Variants in ACSBG1 observed in about 807,000 individuals in gnomAD.
ACSBG1 encodes acyl-CoA synthetase bubblegum family member 1, also known as long-chain-fatty-acid--CoA ligase ACSBG1.
A neutral mutation model predicts 80.2 loss-of-function variants in ACSBG1; 39 were observed. That is an observed-to-expected ratio of 0.49 (90% CI 0.38 to 0.64). The LOEUF is 0.64. ACSBG1 is among the 30% of genes least tolerant of loss of function. The pLI is 0.00. For missense variants in ACSBG1, 828 were observed against 966.4 expected (o/e 0.86, Z 1.90); for synonymous variants, 392 against 379.5 (o/e 1.03, Z -0.38).
rs371236331 is a variant in ACSBG1, at chr15:78,180,809, A to G, written c.1199T>C (p.Met400Thr). The G allele has an allele frequency of 1.1e-5, 17 of 1,614,192 alleles. No individual in the cohort carries two copies. The highest frequency in any genetic ancestry group is 1.3e-5 in the Non-Finnish European group (15 of 1,180,032). ...GGTCACCGACATGGCCCACAGCAGC[A>G]TCTTTCGCCGGATGAAGCCAGACTG... ...AAQSGFIRRK[M>T]LLWAMSVTLE... Residue 400 changes from methionine (M) to threonine (T), a missense_variant, in exon 9 of 14, where the codon ATG (methionine) becomes ACG (threonine). By Grantham distance (81) the Met-to-Thr change is moderately conservative. Transcript: ENST00000258873.
At chr15:78,201,614 T>C (rs1321607006) in intron 2 of ACSBG1, among the ~76,000 whole-genome samples, 1 of 152,190 alleles carries the variant, frequency 6.6e-6, no homozygotes, top group Non-Finnish European at 1.5e-5. Flanking sequence ...GACAGATGCA[T>C]CTTCTAGCCT....
rs1016693334 is a variant in ACSBG1 at position 78,171,101 on chromosome 15, G to C, written c.*343C>G. The C allele has an allele frequency of 1.8e-4, 35 of 190,780 alleles. No individual in the cohort carries two copies. Among genetic ancestry groups the C allele is most frequent in the Non-Finnish European group, 2.2e-5 (2 of 91,564 alleles). 11.8% of individuals were successfully genotyped at this position (190,780 alleles called of 1,614,324 possible). On this transcript the variant is annotated 3_prime_UTR_variant, in exon 14 of 14. Coordinates refer to ENST00000258873, the MANE Select transcript of ACSBG1 (RefSeq NM_015162.5). ...TCTCCTACCCGCTCCACAGCCTACT[G>C]CTGGCTGTCCTGTATGTGAGCTAGC...
At chr15:78,194,844 GCTGGCAGGCCAGGGTAGA>G in intron 2 of ACSBG1, 118 bp from the exon 3 acceptor site, 1 of 1,043,426 alleles carries the variant, frequency 9.6e-7, no homozygotes, top group South Asian at 1.5e-5. Flanking sequence ...CGGCCTTGAG[GCTGGCAGGCCAGGGTAGA>G]CTGGGGTAGA....
At chr15:78,231,506 G>A (rs921606761) in intron 1 of ACSBG1, among the ~76,000 whole-genome samples, 3 of 151,976 alleles carry the variant, frequency 2.0e-5, no homozygotes, top group South Asian at 4.2e-4. Context: ...GGCTGGTCTC[G>A]AACTCCTGGG....
chr15:78,181,837 T>G, intron 8 of ACSBG1, 132 bp downstream of exon 8: 1 of 1,232,822 alleles, frequency 8.1e-7, no homozygotes. Context: ...CTGTGCCCAC[T>G]GCAGCTGACA....
intron 1 of ACSBG1, 62 bp downstream of exon 1, chr15:78,234,309 C>A: frequency 6.3e-7 from 1 of 1,578,792 alleles, no homozygotes. Flanking sequence ...GTTCACACAG[C>A]AGAGCAAAGT....
At chr15:78,191,456 A>G (rs2075056298) in intron 5 of ACSBG1, among the ~76,000 whole-genome samples, 1 of 152,210 alleles carries the variant, frequency 6.6e-6, no homozygotes, top group African/African-American at 2.4e-5. Context: ...ACTGCAGAGT[A>G]CACATTCTTT....
intron 1 of ACSBG1, among the ~76,000 whole-genome samples, chr15:78,222,554 T>C (rs2075367303): frequency 6.6e-6 from 1 of 152,160 alleles, no homozygotes; most frequent in African/African-American, 2.4e-5. Flanking sequence ...TCACAGCTAC[T>C]TGGGAGGCTG....
At chr15:78,171,567 C>A in intron 13 of ACSBG1, 38 bp from the exon 14 acceptor site, 3 of 1,493,558 alleles carry the variant, frequency 2.0e-6, no homozygotes, top group Non-Finnish European at 1.9e-6. Context: ...GAGGCCCAGG[C>A]TCTGAGAACT....
rs1595896356 is a variant in ACSBG1, at chr15:78,208,201, G to A, written c.132-99C>T. On this transcript the variant is annotated intron_variant, in intron 1 of 13. Coordinates refer to ENST00000258873, the MANE Select transcript of ACSBG1 (RefSeq NM_015162.5). ...CTGGCACACATCTCAGCACCCCCAG[G>A]GGGACACTGGCACCTCTGTCTCCTG... 24 of 834,926 alleles carry A rather than the reference G, an allele frequency of 2.9e-5. No homozygotes were observed. In the East Asian group the frequency reaches 6.4e-4, roughly 22 times the overall value. 51.7% of individuals were successfully genotyped at this position (834,926 alleles called of 1,614,324 possible). A position where few individuals can be genotyped will look rare whatever the true frequency, so the allele number is the denominator to read the frequency against.
In ACSBG1 at chr15:78,234,459, C is replaced by T. The variant is rs1230045455; in HGVS notation, c.43G>A (p.Asp15Asn). The stretch of plus-strand genomic sequence containing the variant: ...TCTCTGCTGTCCAGCATGCTGGGGT[C>T]CCCGTGTGGGCAGCCGTATCCAGCT... ...SGAGYGCPHG[D>N]PSMLDSRETP... Residue 15 changes from aspartate to asparagine, a missense_variant, in exon 1 of 14, where the codon GAC becomes AAC. Asp to Asn is a conservative substitution (Grantham distance 23). Coordinates refer to ENST00000258873, the MANE Select transcript of ACSBG1 (RefSeq NM_015162.5). The T allele has an allele frequency of 6.2e-7, 1 of 1,612,674 alleles. No homozygotes were observed. Among genetic ancestry groups the T allele is most frequent in the Non-Finnish European group, 8.5e-7 (1 of 1,180,010 alleles).
chr15:78,196,969 T>A (rs1348489994), intron 2 of ACSBG1, among the ~76,000 whole-genome samples: 1 of 148,996 alleles, frequency 6.7e-6, no homozygotes, highest in Non-Finnish European at 1.5e-5. Context: ...GAGGCTGAGG[T>A]GGGAGGATTG....
chr15:78,193,603 G>A lies in ACSBG1; in HGVS notation c.566C>T (p.Thr189Ile), dbSNP rs936968984. The A allele has an allele frequency of 1.2e-6, 2 of 1,613,684 alleles. No homozygotes were observed. Among genetic ancestry groups the A allele is most frequent in the Middle Eastern group, 1.6e-4 (1 of 6,078 alleles). Residue 189 changes from threonine to isoleucine, a missense_variant, in exon 5 of 14, where the codon ACC becomes ATC. Around this residue, in one of 3 missense-constraint regions of ACSBG1, gnomAD observed 356 missense variants for 363.5 expected, o/e 0.98. Coordinates refer to ENST00000258873, the MANE Select transcript of ACSBG1 (RefSeq NM_015162.5). ...FAGGIVTGIY[T>I]TSSPEACQYI... Reference sequence around the variant, plus strand: ...CTGGCAGGCCTCTGGGGAGCTGGTGGTGTAGATGCCAGTGACGATGCCACT... The same window carrying A: ...CTGGCAGGCCTCTGGGGAGCTGGTGATGTAGATGCCAGTGACGATGCCACT...
At chr15:78,220,099 C>T (rs1470338354) in intron 1 of ACSBG1, among the ~76,000 whole-genome samples, 2 of 152,104 alleles carry the variant, frequency 1.3e-5, no homozygotes, top group Non-Finnish European at 2.9e-5. Context: ...TGAAAACCTA[C>T]AGTAATTAAG....
intron 2 of ACSBG1, among the ~76,000 whole-genome samples, chr15:78,199,278 G>A (rs962021284): frequency 1.3e-5 from 2 of 151,836 alleles, no homozygotes; most frequent in Admixed American, 6.5e-5. Flanking sequence ...AGACGTGGGG[G>A]TTAGCCATGT....
chr15:78,178,660 G>T lies in ACSBG1; in HGVS notation c.1656C>A (p.Gly552=). 6.2e-7 allele frequency: 1 copy of T among 1,613,936 alleles called. No individual in the cohort carries two copies. The highest frequency in any genetic ancestry group is 8.5e-7 in the Non-Finnish European group (1 of 1,179,994). The change falls in exon 11 of 14, where the codon GGC becomes GGA. Residue 552 remains glycine (G), a synonymous_variant. Transcript: ENST00000258873. This position sits in a 1 kb window ranked among gnomAD's most constrained non-coding sequence, Gnocchi z 4.3. ...EEGWLHTGDA[G]RLDADGFLYI... Reference sequence around the variant, plus strand: ...AGAGGAAGCCATCGGCGTCCAGGCGGCCAGCATCACCCGTGTGCAGCCAGC... The same window carrying T: ...AGAGGAAGCCATCGGCGTCCAGGCGTCCAGCATCACCCGTGTGCAGCCAGC...
chr15:78,208,437 T>A (rs2075236414), intron 1 of ACSBG1, among the ~76,000 whole-genome samples: 1 of 152,134 alleles, frequency 6.6e-6, no homozygotes, highest in South Asian at 2.1e-4. Context: ...CCCACCTGGA[T>A]GAGGACGGGG....
intron 2 of ACSBG1, among the ~76,000 whole-genome samples, chr15:78,206,602 C>A (rs969982525): frequency 6.6e-6 from 1 of 152,120 alleles, no homozygotes; most frequent in African/African-American, 2.4e-5. Flanking sequence ...CAGGCCCTGC[C>A]TCGCCATTAA....
Position 78,169,697 on chromosome 15 carries a change from T to C in ACSBG1, c.*1747A>G, listed in dbSNP as rs183417040. On this transcript the variant is annotated 3_prime_UTR_variant, in exon 14 of 14. Transcript: ENST00000258873. ...AAATGTATTGTGTGTTCAATTATTTTGTTGTCTTGAGATTTAATATTCTTT... is the reference window on the plus strand; with the variant it reads ...AAATGTATTGTGTGTTCAATTATTTCGTTGTCTTGAGATTTAATATTCTTT... 213 of 152,324 alleles carry C rather than the reference T, an allele frequency of 1.4e-3. No individual in the cohort carries two copies. Among genetic ancestry groups the C allele is most frequent in the African/African-American group, 4.8e-3 (200 of 41,558 alleles). The allele number at this position is 152,324 out of a possible 1,614,324, so 9.4% of individuals were successfully genotyped here.
Sources: gnomAD v4.1 joint callset for allele counts (sites outside exome capture counted in the v4.1 genomes callset) on GRCh38, gnomAD v4.1.1 for gene constraint, gnomAD v4.1.1 regional missense constraint, Gnocchi (gnomAD v3.1) non-coding constraint, MANE v1.5 for transcripts, NCBI Gene and HGNC (gene_info 2026-07-23, HGNC 2026-07-21) for gene names.